CSMD2: variants seen among roughly 807,000 people sequenced by gnomAD.
CSMD2 encodes the protein CUB and sushi domain-containing protein 2.
CSMD2 carries 130 observed loss-of-function variants against 398.5 expected under a neutral mutation model. That is an observed-to-expected ratio of 0.33 (90% CI 0.28 to 0.38). The LOEUF is 0.38. Ranked by LOEUF, CSMD2 falls within the 10% of genes least tolerant of loss-of-function variation. The probability of loss-of-function intolerance (pLI) is 1.00; values close to 1 mark genes in which losing one functional copy is unlikely to be tolerated. For missense variants in CSMD2, 3,829 were observed against 4,764.9 expected (o/e 0.80, Z 5.78); for synonymous variants, 1,828 against 1,908.5 (o/e 0.96, Z 1.10).
intron 33 of CSMD2, among the ~76,000 whole-genome samples, chr1:33,625,789 C>T (rs1642085267): frequency 6.6e-6 from 1 of 152,140 alleles, no homozygotes; most frequent in Non-Finnish European, 1.5e-5. Context: ...TGGGCAGAGT[C>T]GAATGAACAG....
chr1:33,586,347 T>C (rs962573831), intron 46 of CSMD2, among the ~76,000 whole-genome samples, 157 bp downstream of exon 46: 1 of 152,166 alleles, frequency 6.6e-6, no homozygotes. Context: ...TCATTCCTCA[T>C]GCACTTACTC....
chr1:34,052,565 GA>G (rs1391262198), intron 2 of CSMD2, among the ~76,000 whole-genome samples: 1 of 149,638 alleles, frequency 6.7e-6, no homozygotes, highest in African/African-American at 2.5e-5. Flanking sequence ...TATCCTATAG[GA>G]TCTATTGAGT....
chr1:33,749,908 T>C (rs1647976306), intron 13 of CSMD2, among the ~76,000 whole-genome samples: 1 of 152,206 alleles, frequency 6.6e-6, no homozygotes, highest in African/African-American at 2.4e-5. Flanking sequence ...GCTATTTAAA[T>C]TGATTTTGAT....
At chr1:33,647,891 T>C (rs1643540279) in intron 28 of CSMD2, among the ~76,000 whole-genome samples, 1 of 152,134 alleles carries the variant, frequency 6.6e-6, no homozygotes, top group Admixed American at 6.5e-5. Context: ...AGGAAAAAAA[T>C]TAATCTTGTT....
At chr1:33,905,132 T>C (rs1643009256) in intron 5 of CSMD2, among the ~76,000 whole-genome samples, 2 of 152,100 alleles carry the variant, frequency 1.3e-5, no homozygotes, top group Admixed American at 6.5e-5. Flanking sequence ...TTCCTGTTAA[T>C]ATGCATGAAG....
chr1:34,007,788 T>C (rs1647106069), intron 3 of CSMD2, among the ~76,000 whole-genome samples: 1 of 152,188 alleles, frequency 6.6e-6, no homozygotes, highest in Admixed American at 6.5e-5. Context: ...TATGCACATA[T>C]ATGCCTGGAA....
rs574026277 is a variant in CSMD2 at position 33,977,612 on chromosome 1, A to G, written c.518-41658T>C. Among the ~76,000 whole-genome samples, 3 of 151,374 alleles carry G rather than the reference A, an allele frequency of 2.0e-5. No homozygotes were observed. In the South Asian group the frequency reaches 6.3e-4, roughly 32 times the overall value. On this transcript the variant is annotated intron_variant, in intron 3 of 70. Transcript: ENST00000373381. ...CAATCCCCTGCCAACCCCTCACTGC[A>G]CCTCCCCATCCTTTACTGCAGCAGG...
In CSMD2 at chr1:33,636,444, C is replaced by T. The variant is rs749349455; in HGVS notation, c.4885G>A (p.Glu1629Lys). 1.1e-5 allele frequency: 17 copies of T among 1,614,078 alleles called. No individual in the cohort carries two copies. Among genetic ancestry groups the T allele is most frequent in the African/African-American group, 6.7e-5 (5 of 74,934 alleles). ...SVTYYCHGGYEVEGTSTLSCI... is the reference protein window; with the variant it reads ...SVTYYCHGGYKVEGTSTLSCI... ...CTCAGGGTCGAGGTGCCCTCAACTT[C>T]GTAGCCCCCGTGGCAGTAGTAGGTG... The change falls in exon 30 of 71, where the codon GAA becomes AAA. Residue 1629 changes from glutamate (E) to lysine (K), a missense_variant. Physicochemically the swap from Glu to Lys is moderately conservative, Grantham distance 56 (BLOSUM62 1). Coordinates refer to ENST00000373381, the MANE Select transcript of CSMD2 (RefSeq NM_001281956.2). The surrounding 1 kb of genome is among the most constrained non-coding windows in gnomAD (Gnocchi z 4.8).
intron 5 of CSMD2, among the ~76,000 whole-genome samples, chr1:33,883,826 T>C (rs1641400822): frequency 6.6e-6 from 1 of 152,232 alleles, no homozygotes; most frequent in African/African-American, 2.4e-5. Flanking sequence ...TTATGGAATT[T>C]GGACTTGGAA....
intron 4 of CSMD2, among the ~76,000 whole-genome samples, chr1:33,931,270 A>T (rs1320767864): frequency 6.6e-6 from 1 of 152,232 alleles, no homozygotes; most frequent in Non-Finnish European, 1.5e-5. Context: ...AATGCTTCCC[A>T]AGTATGAACC....
At chr1:33,558,037 C>T in intron 54 of CSMD2, 115 bp from the exon 55 acceptor site, 1 of 871,902 alleles carries the variant, frequency 1.1e-6, no homozygotes, top group Middle Eastern at 2.3e-4. Flanking sequence ...CCCAAGGTTG[C>T]TGGACTTCTC....
At chr1:34,117,354 C>G (rs1399345755) in intron 1 of CSMD2, among the ~76,000 whole-genome samples, 1 of 151,754 alleles carries the variant, frequency 6.6e-6, no homozygotes, top group Non-Finnish European at 1.5e-5. Flanking sequence ...ATTGGATAAC[C>G]TAGAAGAAAT....
At chr1:33,825,305 G>A (rs1427088881) in intron 7 of CSMD2, among the ~76,000 whole-genome samples, 1 of 152,190 alleles carries the variant, frequency 6.6e-6, no homozygotes, top group Non-Finnish European at 1.5e-5. Context: ...GCTGGAACTG[G>A]GGCCCTACAG....
intron 5 of CSMD2, among the ~76,000 whole-genome samples, chr1:33,855,091 C>A (rs1301028152): frequency 6.6e-6 from 1 of 152,138 alleles, no homozygotes; most frequent in Non-Finnish European, 1.5e-5. Flanking sequence ...GTGCTGATGC[C>A]AAGCTCTGGG....
chr1:33,786,936 G>A (rs1653607205), intron 12 of CSMD2, among the ~76,000 whole-genome samples: 1 of 152,178 alleles, frequency 6.6e-6, no homozygotes, highest in African/African-American at 2.4e-5. Flanking sequence ...TCTGACTTCT[G>A]GTACTTATAA....
chr1:33,992,338 G>A (rs76303677), intron 3 of CSMD2, among the ~76,000 whole-genome samples: 6,534 of 151,996 alleles, frequency 0.043, 486 homozygotes, highest in African/African-American at 0.15. Context: ...ATAGGCGTGC[G>A]CCACCATGTT....
chr1:33,577,741 C>T (rs1227635592), intron 48 of CSMD2, among the ~76,000 whole-genome samples: 1 of 152,180 alleles, frequency 6.6e-6, no homozygotes, highest in Non-Finnish European at 1.5e-5. Flanking sequence ...GTCCCTTTTG[C>T]GGTCCAAAGG....
chr1:33,821,480 CCCATGA>C (rs1329188432), intron 7 of CSMD2, among the ~76,000 whole-genome samples: 1 of 152,204 alleles, frequency 6.6e-6, no homozygotes, highest in Non-Finnish European at 1.5e-5. Context: ...CCTCACCAAT[CCCATGA>C]CCCCAACAGC....
chr1:33,684,332 T>C (rs2149075879), intron 25 of CSMD2, among the ~76,000 whole-genome samples: 1 of 152,260 alleles, frequency 6.6e-6, no homozygotes, highest in East Asian at 1.9e-4. Flanking sequence ...CAAGGACTAT[T>C]AGCCAAATAT....
Sources: gnomAD v4.1 joint callset for allele counts (sites outside exome capture counted in the v4.1 genomes callset) on GRCh38, gnomAD v4.1.1 for gene constraint, Gnocchi (gnomAD v3.1) non-coding constraint, MANE v1.5 for transcripts, NCBI Gene and HGNC (gene_info 2026-07-23, HGNC 2026-07-21) for gene names.